Variants in TMEM232 observed in about 807,000 individuals in gnomAD.
The protein encoded by TMEM232 is transmembrane protein 232.
A neutral mutation model predicts 78.8 loss-of-function variants in TMEM232; 80 were observed. The ratio of observed to expected loss-of-function variants is 1.01; its 90% CI spans 0.85 to 1.22. The LOEUF (loss-of-function observed/expected upper bound fraction) is 1.22, where lower values mean the gene tolerates loss of function less well. Ranked by LOEUF, TMEM232 falls within the 50% of genes most tolerant of loss-of-function variation. TMEM232 has a pLI of 0.00. For missense variants in TMEM232, 881 were observed against 742.2 expected (o/e 1.19, Z -2.17); for synonymous variants, 297 against 254.3 (o/e 1.17, Z -1.60).
intron 12 of TMEM232, among the ~76,000 whole-genome samples, chr5:110,438,647 C>G (rs1758693123): frequency 1.3e-5 from 2 of 151,934 alleles, no homozygotes; most frequent in Admixed American, 1.3e-4. Context: ...TTGCAGAAAC[C>G]AAGACCAGAA....
intron 12 of TMEM232, among the ~76,000 whole-genome samples, chr5:110,519,717 C>A (rs183769644): frequency 1.2e-3 from 175 of 152,054 alleles, no homozygotes; most frequent in African/African-American, 4.1e-3. Context: ...TTGGAATCAA[C>A]CCAAATGTCC....
intron 12 of TMEM232, among the ~76,000 whole-genome samples, chr5:110,453,913 A>T (rs1388472762): frequency 6.6e-6 from 1 of 152,232 alleles, no homozygotes; most frequent in Non-Finnish European, 1.5e-5. Flanking sequence ...GCTAAAAAAG[A>T]ACATTACAAT....
Position 110,692,077 on chromosome 5 carries a change from C to T in TMEM232, c.-12-24713G>A, listed in dbSNP as rs192597907. ...CTGGGACTACAGGCGCCCGCCACCACGCTCGGCTAATTTTTTTGTATTTTT... is the reference window on the plus strand; with the variant it reads ...CTGGGACTACAGGCGCCCGCCACCATGCTCGGCTAATTTTTTTGTATTTTT... On this transcript the variant is annotated intron_variant, in intron 1 of 13. Coordinates refer to ENST00000455884, the MANE Select transcript of TMEM232 (RefSeq NM_001039763.4). Among the ~76,000 whole-genome samples, 553 of 152,190 alleles carry T rather than the reference C, an allele frequency of 3.6e-3. 10 individuals are homozygous for T. Among genetic ancestry groups the T allele is most frequent in the Admixed American group, 0.031 (471 of 15,282 alleles).
At chr5:110,405,186 A>C (rs1469304473) in intron 2 of TMEM232, among the ~76,000 whole-genome samples, 2 of 152,138 alleles carry the variant, frequency 1.3e-5, no homozygotes, top group African/African-American at 2.4e-5. Context: ...TACTGAAAAA[A>C]TGAAGCAGGC....
intron 12 of TMEM232, among the ~76,000 whole-genome samples, chr5:110,491,090 G>A (rs1362062027): frequency 1.3e-5 from 2 of 152,064 alleles, no homozygotes; most frequent in Non-Finnish European, 2.9e-5. Context: ...TAGGGGACTT[G>A]TGACCAGAAT....
chr5:110,621,379 C>T (rs1783727800), intron 7 of TMEM232, among the ~76,000 whole-genome samples: 1 of 152,014 alleles, frequency 6.6e-6, no homozygotes, highest in African/African-American at 2.4e-5. Flanking sequence ...TGGCAGATAA[C>T]TGCCATTTGC....
upstream of TMEM232, among the ~76,000 whole-genome samples, chr5:110,728,654 T>A (rs1007260549): frequency 6.6e-6 from 1 of 151,248 alleles, no homozygotes; most frequent in Non-Finnish European, 1.5e-5. Context: ...CTTTAATTAG[T>A]CATCTACATT....
intron 1 of TMEM232, among the ~76,000 whole-genome samples, chr5:110,706,538 G>A (rs556694878): frequency 8.5e-5 from 13 of 152,246 alleles, no homozygotes; most frequent in East Asian, 1.9e-4. Context: ...CACAGAATGC[G>A]TATAAAGGTG....
At chr5:110,521,886 A>G (rs747839045) in intron 12 of TMEM232, among the ~76,000 whole-genome samples, 106 of 152,302 alleles carry the variant, frequency 7.0e-4, no homozygotes, top group Middle Eastern at 6.8e-3. Context: ...TTGAAATCAG[A>G]AAGTGTGATG....
chr5:110,469,459 A>AAGTT (rs2149371351), intron 12 of TMEM232, among the ~76,000 whole-genome samples: 2 of 152,256 alleles, frequency 1.3e-5, no homozygotes, highest in East Asian at 3.9e-4. Flanking sequence ...GACCAAGCTG[A>AAGTT]AGTTACACAT....
intron 11 of TMEM232, among the ~76,000 whole-genome samples, chr5:110,558,606 G>A (rs1260836547): frequency 6.6e-6 from 1 of 152,070 alleles, no homozygotes. Flanking sequence ...GATAAGACTA[G>A]CCTCATCCCA....
At chr5:110,568,119 G>A (rs1466067186) in intron 11 of TMEM232, among the ~76,000 whole-genome samples, 3 of 151,804 alleles carry the variant, frequency 2.0e-5, no homozygotes, top group African/African-American at 7.3e-5. Flanking sequence ...TCAATCTAGT[G>A]TACCTAACAT....
intron 12 of TMEM232, among the ~76,000 whole-genome samples, chr5:110,514,627 A>G (rs1482876070): frequency 6.6e-6 from 1 of 152,158 alleles, no homozygotes; most frequent in Non-Finnish European, 1.5e-5. Flanking sequence ...CCTATAAAAT[A>G]AGCATATTTC....
At chr5:110,512,775 C>T (rs1767972745) in intron 12 of TMEM232, among the ~76,000 whole-genome samples, 1 of 152,070 alleles carries the variant, frequency 6.6e-6, no homozygotes, top group Non-Finnish European at 1.5e-5. Context: ...AAAACAAAAA[C>T]ATGTAGATCT....
chr5:110,586,564 C>A (rs533021055), intron 10 of TMEM232, among the ~76,000 whole-genome samples: 16 of 136,646 alleles, frequency 1.2e-4, no homozygotes, highest in African/African-American at 4.0e-4. Context: ...CCATACACAC[C>A]CTTTCACACA....
chr5:110,389,853 G>A (rs1755116769), intron 4 of TMEM232, among the ~76,000 whole-genome samples: 1 of 152,164 alleles, frequency 6.6e-6, no homozygotes. Flanking sequence ...TTGCTACGGT[G>A]AAATTCTTAA....
intron 1 of TMEM232, among the ~76,000 whole-genome samples, chr5:110,689,191 C>G (rs866260777): frequency 6.6e-6 from 1 of 152,058 alleles, no homozygotes; most frequent in Non-Finnish European, 1.5e-5. Context: ...TTGACAGTAC[C>G]CAGGACCTTT....
rs1798866857 is a variant in TMEM232, at chr5:110,733,424, C to T, written c.-13+1479G>A. ...TTCATTGCACCACTATTCACAATAG[C>T]AAAGACACGGAATCAACCTAAATGC... On this transcript the variant is annotated intron_variant, in intron 2 of 4. Transcript: ENST00000512886. Among the ~76,000 whole-genome samples, 5 of 152,122 alleles carry T rather than the reference C, an allele frequency of 3.3e-5. No individual in the cohort carries two copies. In the South Asian group the frequency reaches 1.0e-3, roughly 31 times the overall value.
At chr5:110,637,753 T>A (rs1786071308) in intron 5 of TMEM232, among the ~76,000 whole-genome samples, 2 of 152,002 alleles carry the variant, frequency 1.3e-5, no homozygotes, top group Middle Eastern at 6.8e-3. Context: ...AAAATATGAG[T>A]TACCTGAAAA....
Sources: allele counts gnomAD v4.1 joint callset (sites outside exome capture counted in the v4.1 genomes callset), GRCh38; gene constraint gnomAD v4.1.1; transcripts MANE v1.5; gene names NCBI Gene and HGNC (gene_info 2026-07-23, HGNC 2026-07-21).